The following PTPN4 variants were observed in gnomAD, a reference collection of about 807,000 sequenced individuals.
The protein encoded by PTPN4 is tyrosine-protein phosphatase non-receptor type 4.
In PTPN4, 49 loss-of-function variants were observed where a neutral mutation model predicts 135.5. The observed-to-expected ratio is 0.36, with a 90% CI of 0.29 to 0.46. The LOEUF (loss-of-function observed/expected upper bound fraction) is 0.46, where lower values mean the gene tolerates loss of function less well. PTPN4 is among the 20% of genes least tolerant of loss of function. PTPN4 has a pLI of 1.00. For missense variants in PTPN4, 860 were observed against 1,101.0 expected (o/e 0.78, Z 3.10); for synonymous variants, 333 against 369.9 (o/e 0.90, Z 1.14).
At chr2:119,770,935 A>C (rs1690721664) in intron 1 of PTPN4, among the ~76,000 whole-genome samples, 1 of 147,856 alleles carries the variant, frequency 6.8e-6, no homozygotes, top group Admixed American at 6.9e-5. Context: ...GCTGGAGTGC[A>C]GTGGCGCAGT....
At chr2:119,775,096 G>GAAAAAAA (rs35234122) in intron 1 of PTPN4, among the ~76,000 whole-genome samples, 3 of 66,766 alleles carry the variant, frequency 4.5e-5, no homozygotes, top group Non-Finnish European at 8.2e-5. Flanking sequence ...GCCCTATTCT[G>GAAAAAAA]AAAAAAAAAA....
intron 19 of PTPN4, among the ~76,000 whole-genome samples, 190 bp from the exon 20 acceptor site, chr2:119,954,967 C>T (rs1679259518): frequency 6.6e-6 from 1 of 152,158 alleles, no homozygotes; most frequent in Non-Finnish European, 1.5e-5. Flanking sequence ...TCCAAAGGTA[C>T]AGCAAAGCCC....
At position 119,964,780 on chromosome 2, in the gene PTPN4, A is replaced by G. The variant is rs145185851; in HGVS notation, c.2410-717A>G. 8.1e-4 allele frequency among the ~76,000 whole-genome samples: 123 copies of G among 152,348 alleles called. No individual in the cohort carries two copies. In the Middle Eastern group the frequency reaches 0.02, roughly 25 times the overall value. ...TGAAATTTTGCATTTTAATGAGTTTATACATAACTTTTGGTGGAGAAGAGG... is the reference window on the plus strand; with the variant it reads ...TGAAATTTTGCATTTTAATGAGTTTGTACATAACTTTTGGTGGAGAAGAGG... On this transcript the variant is annotated intron_variant, in intron 24 of 26. Coordinates refer to ENST00000263708, the MANE Select transcript of PTPN4 (RefSeq NM_002830.4).
intron 11 of PTPN4, among the ~76,000 whole-genome samples, chr2:119,918,106 C>A (rs2105027368): frequency 6.6e-6 from 1 of 152,266 alleles, no homozygotes; most frequent in Non-Finnish European, 1.5e-5. Flanking sequence ...AACATATGAA[C>A]TATATATGTT....
chr2:119,844,482 C>T (rs1414169758), intron 2 of PTPN4, among the ~76,000 whole-genome samples: 1 of 147,984 alleles, frequency 6.8e-6, no homozygotes, highest in Non-Finnish European at 1.5e-5. Context: ...CGGAGGGGCT[C>T]CTCACTTCTC....
At chr2:119,899,408 C>G (rs1372016373) in intron 9 of PTPN4, among the ~76,000 whole-genome samples, 1 of 152,156 alleles carries the variant, frequency 6.6e-6, no homozygotes, top group Non-Finnish European at 1.5e-5. Flanking sequence ...ATAGAGCAGT[C>G]TCTTTCCTAC....
chr2:119,980,844 G>C lies in PTPN4; in HGVS notation c.*3774G>C, dbSNP rs892422670. The C allele has an allele frequency of 6.6e-6, 1 of 151,956 alleles. No homozygotes were observed. The highest frequency in any genetic ancestry group is 2.4e-5 in the African/African-American group (1 of 41,402). 9.4% of individuals were successfully genotyped at this position (151,956 alleles called of 1,614,324 possible). On this transcript the variant is annotated 3_prime_UTR_variant, in exon 27 of 27. Transcript: ENST00000263708. ...ATGCAGTATGAAAACATTATAGACT[G>C]CAGTTAGAAGACTAATTTTTTAAAA...
At chr2:119,807,938 C>A (rs1428739653) in intron 1 of PTPN4, among the ~76,000 whole-genome samples, 1 of 152,150 alleles carries the variant, frequency 6.6e-6, no homozygotes, top group African/African-American at 2.4e-5. Flanking sequence ...AATCAATAAA[C>A]GTAATCCATC....
At chr2:119,936,061 G>C (rs1209441547) in intron 15 of PTPN4, among the ~76,000 whole-genome samples, 1 of 151,706 alleles carries the variant, frequency 6.6e-6, no homozygotes, top group East Asian at 1.9e-4. Context: ...GGAGTGCAGT[G>C]GCGCTATCTC....
chr2:119,954,444 A>T (rs1404844138), intron 19 of PTPN4, among the ~76,000 whole-genome samples: 1 of 152,160 alleles, frequency 6.6e-6, no homozygotes, highest in Non-Finnish European at 1.5e-5. Context: ...TTTTCCACAC[A>T]TCCGTTCTCT....
Position 119,920,166 on chromosome 2 carries a change from G to T in PTPN4, c.926G>T (p.Arg309Leu). The change falls in exon 12 of 27, where the codon CGT (arginine) becomes CTT (leucine). Residue 309 changes from arginine to leucine, a missense_variant. This residue lies in a region of PTPN4 where 684 missense variants were observed against 807.0 expected (regional missense o/e 0.85). Coordinates refer to ENST00000263708, the MANE Select transcript of PTPN4 (RefSeq NM_002830.4). Reference protein sequence around the residue: ...KACVEHHTFFRLDRPLPPQKN... With the variant: ...KACVEHHTFFLLDRPLPPQKN... ...TGTGTAGAACATCACACATTCTTCC[G>T]TTTGGACAGACCACTTCCACCTCAA... The T allele has an allele frequency of 6.2e-7, 1 of 1,613,396 alleles. No homozygotes were observed. The highest frequency in any genetic ancestry group is 8.5e-7 in the Non-Finnish European group (1 of 1,179,722).
intron 3 of PTPN4, among the ~76,000 whole-genome samples, chr2:119,864,106 AGAGT>A (rs1417866130): frequency 6.6e-6 from 1 of 152,286 alleles, no homozygotes; most frequent in Non-Finnish European, 1.5e-5. Context: ...ATCACTCAGG[AGAGT>A]GAGTAAGTGC....
At chr2:119,962,784 TC>T in intron 24 of PTPN4, 40 bp downstream of exon 24, 1 of 1,430,994 alleles carries the variant, frequency 7.0e-7, no homozygotes, top group Middle Eastern at 1.8e-4. Context: ...ACTGTTGTGT[TC>T]AGGGTAAAGA....
chr2:119,927,422 G>C (rs147581930), intron 13 of PTPN4, among the ~76,000 whole-genome samples: 17 of 152,056 alleles, frequency 1.1e-4, no homozygotes, highest in Non-Finnish European at 2.4e-4. Flanking sequence ...TAGCCAATTT[G>C]CTTTTTAACA....
chr2:119,882,241 G>A, intron 7 of PTPN4, 92 bp downstream of exon 7: 3 of 1,280,406 alleles, frequency 2.3e-6, no homozygotes, highest in East Asian at 2.3e-5. Context: ...CTTTAGAAAT[G>A]TTGCTATATA....
At chr2:119,916,022 C>A (rs1179734108) in intron 11 of PTPN4, 2 of 150,032 alleles carry the variant, frequency 1.3e-5, no homozygotes, top group Admixed American at 1.3e-4. Flanking sequence ...GAGACACTGT[C>A]TCTACAAAAA....
chr2:119,971,173 T>TA (rs1398965395), intron 26 of PTPN4, among the ~76,000 whole-genome samples: 1 of 152,120 alleles, frequency 6.6e-6, no homozygotes, highest in Non-Finnish European at 1.5e-5. Context: ...TCAGGAAACT[T>TA]ACAATCATGG....
At chr2:119,807,854 G>A (rs79242404) in intron 1 of PTPN4, among the ~76,000 whole-genome samples, 3 of 152,126 alleles carry the variant, frequency 2.0e-5, no homozygotes, top group Admixed American at 2.0e-4. Flanking sequence ...GAATCTAGGA[G>A]CATATCAGAA....
chr2:119,910,931 G>A (rs753211122), intron 10 of PTPN4, among the ~76,000 whole-genome samples: 2 of 152,010 alleles, frequency 1.3e-5, no homozygotes, highest in Admixed American at 6.6e-5. Context: ...ATTTCACAAC[G>A]TAGATTAAAT....
Sources: gnomAD v4.1 joint callset for allele counts (sites outside exome capture counted in the v4.1 genomes callset) on GRCh38, gnomAD v4.1.1 for gene constraint, gnomAD v4.1.1 regional missense constraint, MANE v1.5 for transcripts, NCBI Gene and HGNC (gene_info 2026-07-23, HGNC 2026-07-21) for gene names.